Variants in BLNK observed in about 807,000 individuals in gnomAD.
The protein encoded by BLNK is B cell linker, also known as B-cell linker protein.
Under a neutral mutation model 73.5 loss-of-function variants are expected in BLNK, and 29 were observed. The observed-to-expected ratio is 0.39, with a 90% CI of 0.29 to 0.54. The LOEUF (loss-of-function observed/expected upper bound fraction) is 0.54, where lower values mean the gene tolerates loss of function less well. BLNK is among the 20% of genes least tolerant of loss of function. BLNK has a pLI of 0.61. For missense variants in BLNK, 460 were observed against 562.8 expected (o/e 0.82, Z 1.85); for synonymous variants, 176 against 200.8 (o/e 0.88, Z 1.04).
chr10:96,199,149 T>C (rs587610447), intron 15 of BLNK, among the ~76,000 whole-genome samples: 138 of 152,322 alleles, frequency 9.1e-4, no homozygotes, highest in African/African-American at 3.1e-3. Flanking sequence ...TATTTACTTG[T>C]AGAGCTAGGA....
chr10:96,211,867 TGACTGCAATAGAA>T (rs1554898751), intron 8 of BLNK, among the ~76,000 whole-genome samples: 1 of 152,216 alleles, frequency 6.6e-6, no homozygotes, highest in African/African-American at 2.4e-5. Context: ...AAAGTACCCT[TGACTGCAATAGAA>T]TTTGATGGAA....
Position 96,219,499 on chromosome 10 carries a change from G to A in BLNK, c.526-2765C>T, listed in dbSNP as rs75731533. On this transcript the variant is annotated intron_variant, in intron 6 of 16. Transcript: ENST00000224337. ...CTTCAATATCTTATGTCTGAACACA[G>A]AATATTGGTATTGACACTTGGCAAT... 8.5e-3 allele frequency among the ~76,000 whole-genome samples: 1,295 copies of A among 152,318 alleles called. 9 individuals carry two copies. Among genetic ancestry groups the A allele is most frequent in the Middle Eastern group, 0.02 (6 of 294 alleles).
At chr10:96,250,340 T>C (rs1843228273) in intron 1 of BLNK, among the ~76,000 whole-genome samples, 1 of 148,640 alleles carries the variant, frequency 6.7e-6, no homozygotes, top group Admixed American at 6.7e-5. Context: ...ATCTTCGAGA[T>C]AGAGGAAAGA....
intron 11 of BLNK, among the ~76,000 whole-genome samples, chr10:96,205,453 G>C (rs782203436): frequency 6.6e-6 from 1 of 152,144 alleles, no homozygotes; most frequent in African/African-American, 2.4e-5. Flanking sequence ...TAAGATAGAC[G>C]TCAGGGTTTC....
chr10:96,208,726 G>A (rs1183794575), intron 9 of BLNK, among the ~76,000 whole-genome samples: 1 of 152,160 alleles, frequency 6.6e-6, no homozygotes, highest in African/African-American at 2.4e-5. Flanking sequence ...TGAAGTGTGG[G>A]GGAAGAACAC....
chr10:96,225,488 C>T (rs587772988), intron 5 of BLNK, among the ~76,000 whole-genome samples: 30 of 152,362 alleles, frequency 2.0e-4, no homozygotes, highest in South Asian at 4.1e-4. Flanking sequence ...TGTACTCAGG[C>T]ATGAGGGCAT....
intron 3 of BLNK, among the ~76,000 whole-genome samples, chr10:96,236,782 T>C (rs1232581648): frequency 6.6e-6 from 1 of 152,264 alleles, no homozygotes; most frequent in African/African-American, 2.4e-5. Flanking sequence ...GCCATGATTG[T>C]ACCCCTGGAC....
intron 9 of BLNK, among the ~76,000 whole-genome samples, chr10:96,208,127 T>C (rs587762737): frequency 1.3e-5 from 2 of 152,226 alleles, no homozygotes; most frequent in Non-Finnish European, 2.9e-5. Flanking sequence ...GGGGATAAAG[T>C]AGGGCACCAG....
chr10:96,204,120 C>G, intron 12 of BLNK, 32 bp from the exon 13 acceptor site: 1 of 1,612,778 alleles, frequency 6.2e-7, no homozygotes, highest in Non-Finnish European at 8.5e-7. Flanking sequence ...AATTAAAGGA[C>G]AAAGCACAAT....
chr10:96,211,995 AG>A (rs2083959039), intron 8 of BLNK, among the ~76,000 whole-genome samples: 2 of 152,236 alleles, frequency 1.3e-5, no homozygotes, highest in Non-Finnish European at 1.5e-5. Flanking sequence ...TGAAATGTTA[AG>A]GGCTCCTTTG....
At chr10:96,222,323 G>T (rs2084216625) in intron 6 of BLNK, among the ~76,000 whole-genome samples, 3 of 152,096 alleles carry the variant, frequency 2.0e-5, no homozygotes. Context: ...CGGAATGAAG[G>T]TCATTTCACA....
Position 96,204,056 on chromosome 10 carries a change from C to T in BLNK, c.934+1G>A. 1 of 1,613,294 alleles carries T rather than the reference C, an allele frequency of 6.2e-7. No homozygotes were observed. Among genetic ancestry groups the T allele is most frequent in the Non-Finnish European group, 8.5e-7 (1 of 1,179,304 alleles). The stretch of plus-strand genomic sequence containing the variant: ...ACACTACATGGCTTCGTTGTACTTA[C>T]TTGGCAGAGGTATGGGTTTTTGGTG... On this transcript the variant is annotated splice_donor_variant, in intron 13 of 16. Coordinates refer to ENST00000224337, the MANE Select transcript of BLNK (RefSeq NM_013314.4). LOFTEE classifies it high-confidence loss of function.
rs1843651702 is a variant in BLNK, at chr10:96,259,462, G to A, written c.47+11890C>T. On this transcript the variant is annotated intron_variant, in intron 1 of 16. Transcript: ENST00000224337. The stretch of plus-strand genomic sequence containing the variant: ...GGTCTGGAATATGCTCAGAAGTAGG[G>A]TGGCTGAACAGAGCAGCTGGAAGGA... Among the ~76,000 whole-genome samples the A allele has an allele frequency of 2.6e-5, 4 of 152,034 alleles. No individual in the cohort carries two copies. The South Asian group carries it at 8.3e-4, about 32-fold the overall frequency.
At chr10:96,226,295 C>T (rs1250063957) in intron 5 of BLNK, among the ~76,000 whole-genome samples, 1 of 152,240 alleles carries the variant, frequency 6.6e-6, no homozygotes, top group Non-Finnish European at 1.5e-5. Context: ...AGTTCTGGTG[C>T]ATGGCAGGTG....
intron 8 of BLNK, among the ~76,000 whole-genome samples, chr10:96,213,034 T>C (rs151154509): frequency 6.6e-6 from 1 of 152,352 alleles, no homozygotes; most frequent in East Asian, 1.9e-4. Context: ...AGTATTAAAA[T>C]ACAGCTATAC....
At chr10:96,265,530 GT>G (rs369248860) in intron 1 of BLNK, among the ~76,000 whole-genome samples, 26 of 152,144 alleles carry the variant, frequency 1.7e-4, no homozygotes, top group African/African-American at 6.3e-4. Context: ...ATGGGATCTA[GT>G]TTTGTTTGAC....
At chr10:96,226,022 T>C (rs1049218508) in intron 5 of BLNK, among the ~76,000 whole-genome samples, 3 of 152,162 alleles carry the variant, frequency 2.0e-5, no homozygotes, top group Non-Finnish European at 2.9e-5. Flanking sequence ...GCTGTGATGA[T>C]TGAAAAAGAT....
intron 16 of BLNK, 68 bp from the exon 17 acceptor site, chr10:96,192,160 ATCTTC>A: frequency 6.3e-7 from 1 of 1,587,856 alleles, no homozygotes; most frequent in Non-Finnish European, 8.6e-7. Context: ...CACTCCTCCC[ATCTTC>A]TCTCATTCTC....
intron 6 of BLNK, among the ~76,000 whole-genome samples, chr10:96,219,328 G>A (rs587771568): frequency 6.6e-6 from 1 of 152,338 alleles, no homozygotes; most frequent in Admixed American, 6.5e-5. Context: ...TTGGTTCTAT[G>A]GGTTCACCTT....
Sources: allele counts gnomAD v4.1 joint callset (sites outside exome capture counted in the v4.1 genomes callset), GRCh38; gene constraint gnomAD v4.1.1; transcripts MANE v1.5; gene names NCBI Gene and HGNC (gene_info 2026-07-23, HGNC 2026-07-21).